RB1: variants seen among roughly 807,000 people sequenced by gnomAD.
RB1 encodes retinoblastoma-associated protein.
Under a neutral mutation model 135.4 loss-of-function variants are expected in RB1, and 18 were observed. That is an observed-to-expected ratio of 0.13 (90% CI 0.09 to 0.20). The LOEUF (loss-of-function observed/expected upper bound fraction) is 0.20, where lower values mean the gene tolerates loss of function less well. Among genes scored for constraint, RB1 ranks in the 10% least tolerant of loss-of-function variants. RB1 has a pLI of 1.00. For synonymous variants in RB1, 365 were observed against 373.2 expected (o/e 0.98, Z 0.25); for missense variants, 868 against 1,110.0 (o/e 0.78, Z 3.10).
intron 19 of RB1, 56 bp downstream of exon 19, chr13:48,456,405 C>G (rs780204669): frequency 4.8e-5 from 77 of 1,594,774 alleles, no homozygotes; most frequent in Non-Finnish European, 6.4e-5. Flanking sequence ...TGACTGGGTT[C>G]AAATCATGTT....
At chr13:48,320,873 A>AGATAAAGT (rs1431173526) in intron 2 of RB1, among the ~76,000 whole-genome samples, 1 of 151,896 alleles carries the variant, frequency 6.6e-6, no homozygotes, top group East Asian at 1.9e-4. Flanking sequence ...GGTGCCCATG[A>AGATAAAGT]GATAAAGTCT....
chr13:48,307,791 A>G (rs1952096395), intron 2 of RB1, among the ~76,000 whole-genome samples: 1 of 151,238 alleles, frequency 6.6e-6, no homozygotes, highest in African/African-American at 2.4e-5. Flanking sequence ...TGAACCCAGG[A>G]GGTGGAGGTT....
At chr13:48,379,921 T>A in intron 14 of RB1, 132 bp from the exon 15 acceptor site, 1 of 829,644 alleles carries the variant, frequency 1.2e-6, no homozygotes, top group Non-Finnish European at 1.7e-6. Context: ...GATTGTGCCA[T>A]TTCACCCCAG....
intron 2 of RB1, among the ~76,000 whole-genome samples, chr13:48,327,797 G>T (rs186128256): frequency 1.6e-3 from 237 of 152,140 alleles, no homozygotes; most frequent in African/African-American, 5.4e-3. Context: ...TAAAAAAATA[G>T]GCAATTCTTA....
At position 48,319,224 on chromosome 13, in the gene RB1, GT is replaced by G; in HGVS notation, c.264+11822del. 2.5e-6 allele frequency: 2 copies of G among 792,368 alleles called. No homozygotes were observed. Among genetic ancestry groups the G allele is most frequent in the Non-Finnish European group, 3.8e-6 (2 of 525,194 alleles). 49.1% of individuals were successfully genotyped at this position (792,368 alleles called of 1,614,324 possible). A position where few individuals can be genotyped will look rare whatever the true frequency, so the allele number is the denominator to read the frequency against. On this transcript the variant is annotated intron_variant, in intron 2 of 26. Coordinates refer to ENST00000267163, the MANE Select transcript of RB1 (RefSeq NM_000321.3). This position sits in a 1 kb window ranked among gnomAD's most constrained non-coding sequence, Gnocchi z 5.0. Reference sequence around the variant, plus strand: ...GGCCACTGGCTTCCTCTAGCTGGGTGTTTTCCTGTGGGTCTCGCGCAAGGCA... The same window carrying G: ...GGCCACTGGCTTCCTCTAGCTGGGTGTTTCCTGTGGGTCTCGCGCAAGGCA...
Position 48,413,354 on chromosome 13 carries a change from T to C in RB1, c.1695+31911T>C, listed in dbSNP as rs138378224. On this transcript the variant is annotated intron_variant, in intron 17 of 26. Coordinates refer to ENST00000267163, the MANE Select transcript of RB1 (RefSeq NM_000321.3). The stretch of plus-strand genomic sequence containing the variant: ...CGGTGCTGGCAACCTCTCAGAGTTG[T>C]TTTGATTTGTTTCAGTAGTAATAAT... 5.9e-5 allele frequency among the ~76,000 whole-genome samples: 9 copies of C among 152,326 alleles called. No individual in the cohort carries two copies. The East Asian group carries it at 1.3e-3, about 23-fold the overall frequency.
At chr13:48,376,272 G>T (rs1952821373) in intron 12 of RB1, among the ~76,000 whole-genome samples, 1 of 152,018 alleles carries the variant, frequency 6.6e-6, no homozygotes, top group African/African-American at 2.4e-5. Flanking sequence ...AGGCCAAGGT[G>T]GTTGGATCAC....
intron 2 of RB1, among the ~76,000 whole-genome samples, chr13:48,323,001 A>T (rs1481514692): frequency 6.6e-6 from 1 of 151,440 alleles, no homozygotes; most frequent in Admixed American, 6.6e-5. Context: ...TCTTTGTCTG[A>T]TTTTAGTATC....
At chr13:48,420,316 G>A (rs1241571817) in intron 17 of RB1, among the ~76,000 whole-genome samples, 1 of 152,108 alleles carries the variant, frequency 6.6e-6, no homozygotes, top group East Asian at 1.9e-4. Context: ...TGCAGAAAAG[G>A]CCATTGATGA....
chr13:48,318,693 C>G, intron 2 of RB1: 1 of 619,876 alleles, frequency 1.6e-6, no homozygotes, highest in South Asian at 1.7e-5. Flanking sequence ...GGCATGGCCG[C>G]CGCCTCTACG....
chr13:48,472,584 A>T (rs554916475), intron 23 of RB1, among the ~76,000 whole-genome samples: 1 of 152,216 alleles, frequency 6.6e-6, no homozygotes, highest in African/African-American at 2.4e-5. Context: ...TCCTTAGTGA[A>T]ATAAATTCTG....
intron 2 of RB1, among the ~76,000 whole-genome samples, chr13:48,316,488 G>A (rs1270980298): frequency 6.6e-6 from 1 of 152,012 alleles, no homozygotes; most frequent in African/African-American, 2.4e-5. Context: ...TCTAATCTAA[G>A]ACTTGTATGC....
intron 17 of RB1, among the ~76,000 whole-genome samples, chr13:48,438,793 T>C (rs1452619702): frequency 6.6e-6 from 1 of 152,246 alleles, no homozygotes; most frequent in Non-Finnish European, 1.5e-5. Context: ...TGTCTGGCAT[T>C]CAATAAATGT....
At chr13:48,393,530 G>A (rs964379042) in intron 17 of RB1, among the ~76,000 whole-genome samples, 16 of 152,158 alleles carry the variant, frequency 1.1e-4, no homozygotes, top group African/African-American at 3.9e-4. Context: ...CAATTTTGTG[G>A]TTGTTTAAAC....
intron 2 of RB1, chr13:48,318,243 A>T (rs1478782410): frequency 4.2e-6 from 3 of 719,826 alleles, no homozygotes; most frequent in Non-Finnish European, 4.5e-6. Flanking sequence ...TCAGCTATTA[A>T]GCACCGGCGG....
rs535702287 is a variant in RB1 at position 48,407,898 on chromosome 13, C to T, written c.1695+26455C>T. Among the ~76,000 whole-genome samples the T allele has an allele frequency of 2.9e-4, 44 of 152,020 alleles. No individual in the cohort carries two copies. In the East Asian group the frequency reaches 7.5e-3, roughly 26 times the overall value. ...CCAGAGTTGGACTGGCATTTAGGCA[C>T]GAAAAAAGTTTAGGTGCTGGAAGGT... On this transcript the variant is annotated intron_variant, in intron 17 of 26. Coordinates refer to ENST00000267163, the MANE Select transcript of RB1 (RefSeq NM_000321.3).
intron 8 of RB1, among the ~76,000 whole-genome samples, chr13:48,364,498 A>G (rs1167198207): frequency 2.6e-5 from 4 of 152,310 alleles, no homozygotes; most frequent in African/African-American, 7.2e-5. Context: ...GTATGTATAT[A>G]TAGTACATAT....
chr13:48,411,876 C>T, intron 17 of RB1: 1 of 1,613,622 alleles, frequency 6.2e-7, no homozygotes, highest in Non-Finnish European at 8.5e-7. Flanking sequence ...AATTACAATC[C>T]TTGAGAGATA....
chr13:48,357,828 CAGTT>C (rs1209110239), intron 6 of RB1, among the ~76,000 whole-genome samples: 2 of 152,046 alleles, frequency 1.3e-5, no homozygotes, highest in African/African-American at 2.4e-5. Context: ...ATTGATTCAA[CAGTT>C]AGTTATTTAT....
Sources: allele counts gnomAD v4.1 joint callset (sites outside exome capture counted in the v4.1 genomes callset), GRCh38; gene constraint gnomAD v4.1.1; non-coding constraint Gnocchi (gnomAD v3.1); transcripts MANE v1.5; gene names NCBI Gene and HGNC (gene_info 2026-07-23, HGNC 2026-07-21).